ANKFN1: variants seen among roughly 807,000 people sequenced by gnomAD.
The protein encoded by ANKFN1 is ankyrin repeat and fibronectin type-III domain-containing protein 1.
In ANKFN1, 74 loss-of-function variants were observed where a neutral mutation model predicts 108.7. That is an observed-to-expected ratio of 0.68 (90% confidence interval 0.56 to 0.83). The LOEUF (loss-of-function observed/expected upper bound fraction) is 0.83, where lower values mean the gene tolerates loss of function less well. ANKFN1 is among the 40% of genes least tolerant of loss of function. The pLI is 0.00. For missense variants in ANKFN1, 1,505 were observed against 1,382.3 expected (o/e 1.09, Z -1.41); for synonymous variants, 547 against 516.2 (o/e 1.06, Z -0.81).
At chr17:56,181,520 A>G (rs930860340) in intron 1 of ANKFN1, among the ~76,000 whole-genome samples, 13 of 152,210 alleles carry the variant, frequency 8.5e-5, no homozygotes, top group African/African-American at 1.7e-4. Context: ...TGACACGACA[A>G]TAAGTGGGAG....
chr17:56,188,514 TATTA>T (rs1598203518), intron 1 of ANKFN1, among the ~76,000 whole-genome samples: 1 of 145,876 alleles, frequency 6.9e-6, no homozygotes, highest in East Asian at 2.0e-4. Flanking sequence ...ATGCATTTCT[TATTA>T]TATATAAGAA....
intron 8 of ANKFN1, among the ~76,000 whole-genome samples, chr17:56,383,758 C>A (rs1384655269): frequency 6.6e-6 from 1 of 152,166 alleles, no homozygotes; most frequent in Admixed American, 6.5e-5. Context: ...TGGACACATA[C>A]ACTCTCCCAA....
chr17:56,307,670 C>T (rs1316610465), intron 3 of ANKFN1, among the ~76,000 whole-genome samples: 4 of 152,080 alleles, frequency 2.6e-5, no homozygotes, highest in African/African-American at 4.8e-5. Flanking sequence ...GTCAGTGTGG[C>T]GATTCCTCGG....
At chr17:56,363,000 G>A (rs1007001097) in intron 6 of ANKFN1, among the ~76,000 whole-genome samples, 5 of 152,214 alleles carry the variant, frequency 3.3e-5, no homozygotes, top group Middle Eastern at 3.4e-3. Context: ...CATGAGGTCA[G>A]GAGACCGAGA....
intron 1 of ANKFN1, among the ~76,000 whole-genome samples, chr17:56,204,518 T>C (rs1044831482): frequency 1.7e-4 from 25 of 151,360 alleles, no homozygotes; most frequent in Non-Finnish European, 4.4e-5. Flanking sequence ...TTTTTGTGTT[T>C]TTAGTAGAGC....
rs1333976748 is a variant in ANKFN1, at chr17:56,492,442, C to T, written c.2427+89C>T. 4.7e-6 allele frequency: 3 copies of T among 642,708 alleles called. No individual in the cohort carries two copies. In the African/African-American group the frequency reaches 5.4e-5, roughly 12 times the overall value. The allele number at this position is 642,708 out of a possible 1,614,324, so 39.8% of individuals were successfully genotyped here. Reference sequence around the variant, plus strand: ...GCCAAGCATGGGAAAGGACAGCAGTCCAGGCTGATTCAAAGAACACGGTGT... The same window carrying T: ...GCCAAGCATGGGAAAGGACAGCAGTTCAGGCTGATTCAAAGAACACGGTGT... On this transcript the variant is annotated intron_variant, in intron 19 of 20. Coordinates refer to ENST00000682825, the MANE Select transcript of ANKFN1 (RefSeq NM_001370326.1).
chr17:56,310,085 G>T (rs1224861014), intron 3 of ANKFN1, among the ~76,000 whole-genome samples: 1 of 152,072 alleles, frequency 6.6e-6, no homozygotes, highest in East Asian at 1.9e-4. Flanking sequence ...CAATGACTAG[G>T]GGCGTGTAGT....
At chr17:56,127,190 A>G (rs1365444125) in intron 4 of ANKFN1, among the ~76,000 whole-genome samples, 1 of 152,188 alleles carries the variant, frequency 6.6e-6, no homozygotes. Flanking sequence ...TCTTGTTATC[A>G]TGATTTTGTA....
Position 56,480,827 on chromosome 17 carries a change from C to T in ANKFN1, c.2091+9C>T, listed in dbSNP as rs1399355435. On this transcript the variant is annotated intron_variant, in intron 17 of 20. Transcript: ENST00000682825. Reference sequence around the variant, plus strand: ...ATATACCTCTACACCAGGTACTAGACTTTACCATTTTTATCTTCTTTTTTT... The same window carrying T: ...ATATACCTCTACACCAGGTACTAGATTTTACCATTTTTATCTTCTTTTTTT... 2 of 1,611,256 alleles carry T rather than the reference C, an allele frequency of 1.2e-6. No individual in the cohort carries two copies. Among genetic ancestry groups the T allele is most frequent in the East Asian group, 2.2e-5 (1 of 44,836 alleles).
At chr17:56,388,475 A>G (rs1366127907) in intron 8 of ANKFN1, among the ~76,000 whole-genome samples, 1 of 152,188 alleles carries the variant, frequency 6.6e-6, no homozygotes, top group African/African-American at 2.4e-5. Context: ...TATAGCTACA[A>G]AAGAAAAGCA....
chr17:56,264,973 T>C (rs1403836987), intron 3 of ANKFN1, among the ~76,000 whole-genome samples: 1 of 152,152 alleles, frequency 6.6e-6, no homozygotes, highest in Admixed American at 6.5e-5. Flanking sequence ...CTTTTTCACA[T>C]TTTTATGTGA....
intron 3 of ANKFN1, among the ~76,000 whole-genome samples, chr17:56,304,774 A>C (rs559048399): frequency 2.6e-5 from 4 of 152,350 alleles, no homozygotes; most frequent in African/African-American, 9.6e-5. Context: ...TTCAATGGCT[A>C]ATGGTGTTGA....
chr17:56,346,761 G>A (rs920519821), intron 4 of ANKFN1, among the ~76,000 whole-genome samples: 2 of 151,394 alleles, frequency 1.3e-5, no homozygotes, highest in African/African-American at 4.9e-5. Flanking sequence ...ATCTTTATGT[G>A]AAATTTTTTT....
chr17:56,450,685 A>G lies in ANKFN1; in HGVS notation c.1207+1499A>G, dbSNP rs2049452649. ...CTGCCTTTCCATCACATCCCTGCCC[A>G]TTGGTTCCTGTGTGACAGCAAAGGT... On this transcript the variant is annotated intron_variant, in intron 11 of 20. Transcript: ENST00000682825. 2.0e-5 allele frequency among the ~76,000 whole-genome samples: 3 copies of G among 152,126 alleles called. No individual in the cohort carries two copies. The South Asian group carries it at 6.2e-4, about 32-fold the overall frequency.
intron 4 of ANKFN1, among the ~76,000 whole-genome samples, chr17:56,344,459 T>C (rs1424955346): frequency 1.3e-5 from 2 of 152,000 alleles, no homozygotes. Context: ...ACCTTAGTCT[T>C]CACTTCCTGC....
intron 20 of ANKFN1, among the ~76,000 whole-genome samples, chr17:56,508,508 C>T (rs2051643088): frequency 6.6e-6 from 1 of 152,172 alleles, no homozygotes; most frequent in South Asian, 2.1e-4. Flanking sequence ...AACGGGACTA[C>T]TTGTGCTCTT....
At chr17:56,489,691 TTCCAG>T (rs1266491922) in intron 18 of ANKFN1, among the ~76,000 whole-genome samples, 1 of 152,154 alleles carries the variant, frequency 6.6e-6, no homozygotes, top group African/African-American at 2.4e-5. Flanking sequence ...CTCCCTATTT[TTCCAG>T]TCATATTTTA....
chr17:56,056,644 C>G (rs952439493), intron 4 of ANKFN1, among the ~76,000 whole-genome samples: 1 of 152,148 alleles, frequency 6.6e-6, no homozygotes, highest in Admixed American at 6.5e-5. Flanking sequence ...AAACTGGACC[C>G]CTATCCCTTA....
intron 3 of ANKFN1, among the ~76,000 whole-genome samples, chr17:56,272,938 C>A (rs184051832): frequency 6.6e-5 from 10 of 152,214 alleles, no homozygotes; most frequent in Non-Finnish European, 1.3e-4. Context: ...ACATTTTTGC[C>A]AGGGAAAACT....
Sources: gnomAD v4.1 joint callset for allele counts (sites outside exome capture counted in the v4.1 genomes callset) on GRCh38, gnomAD v4.1.1 for gene constraint, MANE v1.5 for transcripts, NCBI Gene and HGNC (gene_info 2026-07-23, HGNC 2026-07-21) for gene names.